Variants in GPC5 observed in about 807,000 individuals in gnomAD.
The protein encoded by GPC5 is glypican 5, also known as glypican-5.
A neutral mutation model predicts 53.9 loss-of-function variants in GPC5; 47 were observed. The observed-to-expected ratio is 0.87, with a 90% CI of 0.69 to 1.11. The LOEUF (loss-of-function observed/expected upper bound fraction) is 1.11. GPC5 is among the 50% of genes most tolerant of loss of function. The probability of loss-of-function intolerance (pLI) is 0.00; values close to 1 mark genes in which losing one functional copy is unlikely to be tolerated. For synonymous variants in GPC5, 286 were observed against 263.3 expected (o/e 1.09, Z -0.84); for missense variants, 748 against 713.1 (o/e 1.05, Z -0.56).
intron 6 of GPC5, among the ~76,000 whole-genome samples, chr13:91,939,878 T>C (rs897965944): frequency 1.3e-5 from 2 of 152,150 alleles, no homozygotes; most frequent in Admixed American, 6.5e-5. Flanking sequence ...TGTAATCATA[T>C]AGTCCAAACT....
chr13:92,432,385 G>A (rs193078757), intron 7 of GPC5, among the ~76,000 whole-genome samples: 16 of 108,058 alleles, frequency 1.5e-4, no homozygotes, highest in Non-Finnish European at 2.3e-4. Context: ...TTTTTCTTGA[G>A]ATGGATTCTT....
intron 7 of GPC5, among the ~76,000 whole-genome samples, chr13:92,399,176 T>C (rs978591728): frequency 5.3e-5 from 8 of 152,340 alleles, no homozygotes; most frequent in Middle Eastern, 6.8e-3. Context: ...TCACACGCTA[T>C]CTATGTGTGC....
At chr13:92,300,862 A>G (rs1329042620) in intron 7 of GPC5, among the ~76,000 whole-genome samples, 1 of 152,214 alleles carries the variant, frequency 6.6e-6, no homozygotes, top group African/African-American at 2.4e-5. Flanking sequence ...TACTTTCGCT[A>G]CTGTCAGATA....
At chr13:92,125,141 A>C (rs1199959298) in intron 6 of GPC5, among the ~76,000 whole-genome samples, 3 of 152,182 alleles carry the variant, frequency 2.0e-5, no homozygotes, top group African/African-American at 7.2e-5. Flanking sequence ...TGTGACAAGG[A>C]ACCAACGGAG....
At chr13:92,082,729 A>G (rs1594756215) in intron 6 of GPC5, among the ~76,000 whole-genome samples, 4 of 152,326 alleles carry the variant, frequency 2.6e-5, no homozygotes, top group Middle Eastern at 6.8e-3. Flanking sequence ...CCATTATTCA[A>G]TTATGAGAAA....
At chr13:91,939,647 G>T (rs528597179) in intron 6 of GPC5, among the ~76,000 whole-genome samples, 31 of 152,258 alleles carry the variant, frequency 2.0e-4, no homozygotes, top group Non-Finnish European at 3.8e-4. Context: ...TAGGAAACTT[G>T]TTCCAAGATG....
intron 7 of GPC5, among the ~76,000 whole-genome samples, chr13:92,188,278 G>A (rs2042198569): frequency 6.6e-6 from 1 of 152,172 alleles, no homozygotes; most frequent in South Asian, 2.1e-4. Context: ...AAAGGAGACA[G>A]TGAAAAGACT....
chr13:92,010,254 A>G (rs2040648680), intron 6 of GPC5, among the ~76,000 whole-genome samples: 1 of 151,954 alleles, frequency 6.6e-6, no homozygotes, highest in African/African-American at 2.4e-5. Flanking sequence ...TATGTTGTTT[A>G]TTTTCTGCTC....
intron 2 of GPC5, among the ~76,000 whole-genome samples, chr13:91,643,638 G>A (rs1448570198): frequency 3.3e-5 from 5 of 152,158 alleles, no homozygotes; most frequent in Non-Finnish European, 7.4e-5. Flanking sequence ...TGTTTTTGAG[G>A]CTGGGAAGTC....
intron 2 of GPC5, among the ~76,000 whole-genome samples, chr13:91,657,373 A>T (rs561451140): frequency 6.6e-6 from 1 of 152,280 alleles, no homozygotes; most frequent in African/African-American, 2.4e-5. Flanking sequence ...AACCTAAAAG[A>T]AAAAGATTAG....
At chr13:92,033,074 T>TGTGTGTGTGC (rs1491301836) in intron 6 of GPC5, among the ~76,000 whole-genome samples, 31 of 148,898 alleles carry the variant, frequency 2.1e-4, no homozygotes, top group African/African-American at 5.4e-4. Flanking sequence ...TGTGTGTGTG[T>TGTGTGTGTGC]GCTTCTCATT....
chr13:92,671,753 G>A, intron 7 of GPC5, among the ~76,000 whole-genome samples: 1 of 151,938 alleles, frequency 6.6e-6, no homozygotes, highest in East Asian at 1.9e-4. Flanking sequence ...CAACAAAAAT[G>A]GGAAATTATT....
At chr13:92,426,067 G>A (rs945393724) in intron 7 of GPC5, among the ~76,000 whole-genome samples, 2 of 151,958 alleles carry the variant, frequency 1.3e-5, no homozygotes, top group Non-Finnish European at 1.5e-5. Flanking sequence ...AACACTGAAG[G>A]CCTCTGAGAT....
intron 7 of GPC5, among the ~76,000 whole-genome samples, chr13:92,342,660 T>G (rs1049053709): frequency 2.0e-5 from 3 of 152,128 alleles, no homozygotes; most frequent in Non-Finnish European, 4.4e-5. Context: ...TTACCAAATT[T>G]AAGGTATTTT....
intron 7 of GPC5, among the ~76,000 whole-genome samples, chr13:92,387,157 A>G (rs546527130): frequency 2.7e-4 from 41 of 152,230 alleles, no homozygotes; most frequent in African/African-American, 9.9e-4. Flanking sequence ...AAATGCATTC[A>G]GTAGCACTTG....
At chr13:91,532,814 A>T (rs1397775044) in intron 2 of GPC5, among the ~76,000 whole-genome samples, 1 of 152,102 alleles carries the variant, frequency 6.6e-6, no homozygotes, top group African/African-American at 2.4e-5. Flanking sequence ...GCAGTGAGCC[A>T]AGGTAGCCAA....
At chr13:91,429,029 C>T (rs892063237) in intron 1 of GPC5, among the ~76,000 whole-genome samples, 6 of 152,114 alleles carry the variant, frequency 3.9e-5, no homozygotes, top group African/African-American at 1.2e-4. Flanking sequence ...AAGCAATTCT[C>T]ATGCCTCAGC....
intron 2 of GPC5, among the ~76,000 whole-genome samples, chr13:91,473,189 C>A (rs564340173): frequency 6.6e-6 from 1 of 152,184 alleles, no homozygotes; most frequent in South Asian, 2.1e-4. Context: ...ATGAGGAAAC[C>A]ACCCCCATGA....
chr13:91,817,561 T>G (rs903301355), intron 5 of GPC5, among the ~76,000 whole-genome samples: 6 of 152,244 alleles, frequency 3.9e-5, no homozygotes, highest in African/African-American at 1.4e-4. Context: ...TGGGAAATAA[T>G]GCGTGGGAAG....
Sources: gnomAD v4.1 joint callset for allele counts (sites outside exome capture counted in the v4.1 genomes callset) on GRCh38, gnomAD v4.1.1 for gene constraint, MANE v1.5 for transcripts, NCBI Gene and HGNC (gene_info 2026-07-23, HGNC 2026-07-21) for gene names.